ADAMTS17: variants seen among roughly 807,000 people sequenced by gnomAD.
ADAMTS17 encodes A disintegrin and metalloproteinase with thrombospondin motifs 17.
Under a neutral mutation model 141.5 loss-of-function variants are expected in ADAMTS17, and 113 were observed. The ratio of observed to expected loss-of-function variants is 0.80; its 90% CI spans 0.69 to 0.93. The LOEUF is 0.93. ADAMTS17 is among the 40% of genes least tolerant of loss of function. ADAMTS17 has a pLI of 0.00. For synonymous variants in ADAMTS17, 768 were observed against 630.6 expected (o/e 1.22, Z -3.27); for missense variants, 1,659 against 1,517.9 (o/e 1.09, Z -1.54).
intron 18 of ADAMTS17, among the ~76,000 whole-genome samples, chr15:100,041,711 G>T (rs1158205417): frequency 1.3e-5 from 2 of 152,184 alleles, no homozygotes; most frequent in Non-Finnish European, 2.9e-5. Flanking sequence ...TGCCATGCGT[G>T]TCAGACTCCA....
chr15:100,257,400 C>A (rs773631656), intron 6 of ADAMTS17, among the ~76,000 whole-genome samples: 1 of 152,244 alleles, frequency 6.6e-6, no homozygotes, highest in Non-Finnish European at 1.5e-5. Context: ...AATTTAACAT[C>A]TGCGAGGACC....
chr15:100,129,041 G>C (rs1219585776), intron 12 of ADAMTS17: 2 of 152,200 alleles, frequency 1.3e-5, no homozygotes, highest in Non-Finnish European at 2.9e-5. Flanking sequence ...TCTTATTCTT[G>C]CAAATGTTGC....
chr15:100,280,631 CA>C (rs1230972907), intron 4 of ADAMTS17, among the ~76,000 whole-genome samples: 1 of 152,180 alleles, frequency 6.6e-6, no homozygotes, highest in Non-Finnish European at 1.5e-5. Context: ...CCCGCCATGT[CA>C]AATGACTTGG....
At chr15:100,068,231 G>C (rs2033696508) in intron 15 of ADAMTS17, among the ~76,000 whole-genome samples, 1 of 151,944 alleles carries the variant, frequency 6.6e-6, no homozygotes, top group East Asian at 1.9e-4. Context: ...GTCCAGGCTT[G>C]AGTAGGTAAA....
At chr15:100,198,552 A>G (rs548819301) in intron 8 of ADAMTS17, among the ~76,000 whole-genome samples, 16 of 152,318 alleles carry the variant, frequency 1.1e-4, no homozygotes, top group African/African-American at 3.4e-4. Flanking sequence ...TGGCCTCCTC[A>G]ATTTAATTTT....
chr15:100,145,342 TTTAA>T (rs1176859415), intron 10 of ADAMTS17, among the ~76,000 whole-genome samples: 1 of 152,202 alleles, frequency 6.6e-6, no homozygotes, highest in African/African-American at 2.4e-5. Context: ...TTTTTAGACT[TTTAA>T]TTGCTTCACC....
chr15:100,054,465 A>G (rs1300059331), intron 15 of ADAMTS17, among the ~76,000 whole-genome samples: 1 of 152,136 alleles, frequency 6.6e-6, no homozygotes, highest in Non-Finnish European at 1.5e-5. Context: ...CAGGCTACAA[A>G]CCAGGTTTTG....
chr15:100,067,102 T>C (rs1282300944), intron 15 of ADAMTS17, among the ~76,000 whole-genome samples: 3 of 152,188 alleles, frequency 2.0e-5, no homozygotes, highest in Non-Finnish European at 4.4e-5. Context: ...TCCCTTATGA[T>C]ATTGAGAAGG....
At chr15:100,229,484 G>A (rs539662386) in intron 7 of ADAMTS17, among the ~76,000 whole-genome samples, 51 of 152,268 alleles carry the variant, frequency 3.3e-4, no homozygotes, top group African/African-American at 1.1e-3. Flanking sequence ...GACGCACAGT[G>A]GTTCTGCCTG....
intron 7 of ADAMTS17, among the ~76,000 whole-genome samples, chr15:100,244,370 G>A (rs1406135452): frequency 4.2e-5 from 6 of 143,228 alleles, no homozygotes; most frequent in African/African-American, 1.5e-4. Context: ...TTTAACTGCA[G>A]AGCCAATCTT....
At chr15:100,072,606 A>T (rs970319676) in intron 15 of ADAMTS17, among the ~76,000 whole-genome samples, 1 of 152,200 alleles carries the variant, frequency 6.6e-6, no homozygotes, top group African/African-American at 2.4e-5. Context: ...AATACTGCAC[A>T]TCTACAGCCA....
intron 8 of ADAMTS17, among the ~76,000 whole-genome samples, chr15:100,198,102 C>T (rs1180865046): frequency 6.6e-6 from 1 of 152,144 alleles, no homozygotes; most frequent in East Asian, 1.9e-4. Context: ...CAGCAAACCA[C>T]CATGGCACGT....
intron 6 of ADAMTS17, among the ~76,000 whole-genome samples, chr15:100,259,274 G>A (rs888066335): frequency 5.9e-5 from 9 of 152,168 alleles, no homozygotes; most frequent in African/African-American, 1.7e-4. Context: ...GCACAGACAC[G>A]GTTCCCAAGG....
At chr15:100,212,067 C>T (rs574227824) in intron 7 of ADAMTS17, among the ~76,000 whole-genome samples, 3 of 152,302 alleles carry the variant, frequency 2.0e-5, no homozygotes, top group African/African-American at 7.2e-5. Flanking sequence ...TCGGTAGCCT[C>T]TTATGTGTAT....
chr15:100,015,429 GT>G (rs999639568), intron 18 of ADAMTS17, among the ~76,000 whole-genome samples: 1 of 151,654 alleles, frequency 6.6e-6, no homozygotes, highest in African/African-American at 2.4e-5. Flanking sequence ...TTTTCTTTTT[GT>G]TTTTTAACTT....
At chr15:99,996,876 G>T (rs1358038430) in intron 19 of ADAMTS17, among the ~76,000 whole-genome samples, 1 of 152,062 alleles carries the variant, frequency 6.6e-6, no homozygotes, top group Non-Finnish European at 1.5e-5. Flanking sequence ...GTACTCCCAG[G>T]ACCAACCTTC....
rs191076167 is a variant in ADAMTS17, at chr15:100,247,891, G to A, written c.1075+6245C>T. Among the ~76,000 whole-genome samples the A allele has an allele frequency of 4.6e-5, 7 of 151,776 alleles. No homozygotes were observed. The East Asian group carries it at 5.9e-4, about 13-fold the overall frequency. On this transcript the variant is annotated intron_variant, in intron 7 of 21. Transcript: ENST00000268070. ...TCCTGGCCAGCAATATCCCCCACCC[G>A]CACTTCCTCCACCCACACGCTCTTC...
chr15:100,283,733 G>A (rs2044358186), intron 3 of ADAMTS17, among the ~76,000 whole-genome samples: 1 of 152,208 alleles, frequency 6.6e-6, no homozygotes, highest in South Asian at 2.1e-4. Flanking sequence ...ACATGTAAGA[G>A]CTGAGAGCTC....
At chr15:100,278,043 A>C (rs1026818684) in intron 4 of ADAMTS17, among the ~76,000 whole-genome samples, 2 of 152,272 alleles carry the variant, frequency 1.3e-5, no homozygotes, top group Admixed American at 1.3e-4. Context: ...ATTTGTCCAC[A>C]AAAGGATAAA....
Sources: gnomAD v4.1 joint callset for allele counts (sites outside exome capture counted in the v4.1 genomes callset) on GRCh38, gnomAD v4.1.1 for gene constraint, MANE v1.5 for transcripts, NCBI Gene and HGNC (gene_info 2026-07-23, HGNC 2026-07-21) for gene names.